Variants in SV2C observed in about 807,000 individuals in gnomAD.
SV2C encodes the protein synaptic vesicle glycoprotein 2C.
A neutral mutation model predicts 79.7 loss-of-function variants in SV2C; 49 were observed. The ratio of observed to expected loss-of-function variants is 0.61; its 90% CI spans 0.49 to 0.78. SV2C has a LOEUF of 0.78. Ranked by LOEUF, SV2C falls within the 30% of genes least tolerant of loss-of-function variation. The pLI is 0.00. For synonymous variants in SV2C, 334 were observed against 333.2 expected, an observed-to-expected ratio of 1.00 and a Z score of -0.03; for missense variants, 833 against 912.9, an observed-to-expected ratio of 0.91 and a Z score of 1.13.
upstream of SV2C, chr5:76,078,866 A>G (rs79505747): frequency 0.021 from 12,106 of 572,408 alleles, 1,094 homozygotes; most frequent in African/African-American, 0.2. Flanking sequence ...ATTTACCTAC[A>G]TGGATTGGTG....
chr5:75,867,293 G>A, the SV2C span, among the ~76,000 whole-genome samples: 1 of 152,162 alleles, frequency 6.6e-6, no homozygotes, highest in Non-Finnish European at 1.5e-5. Context: ...GTGTTCTTCA[G>A]TAGCAGATGC....
At chr5:76,239,019 C>A (rs1745700575) in intron 4 of SV2C, among the ~76,000 whole-genome samples, 1 of 152,176 alleles carries the variant, frequency 6.6e-6, no homozygotes, top group African/African-American at 2.4e-5. Context: ...TGTCTCACTC[C>A]TATCCTCCTA....
At chr5:76,048,164 A>G in the SV2C span, among the ~76,000 whole-genome samples, 1 of 152,178 alleles carries the variant, frequency 6.6e-6, no homozygotes, top group African/African-American at 2.4e-5. Flanking sequence ...AGAGTAAGAT[A>G]CATTATGGGA....
At chr5:76,159,315 C>T (rs1400238500) in intron 2 of SV2C, among the ~76,000 whole-genome samples, 1 of 151,868 alleles carries the variant, frequency 6.6e-6, no homozygotes, top group Non-Finnish European at 1.5e-5. Flanking sequence ...AAAGACATCC[C>T]GATTGGCAAG....
intron 12 of SV2C, among the ~76,000 whole-genome samples, chr5:76,348,943 G>A (rs542607566): frequency 5.9e-5 from 9 of 152,220 alleles, no homozygotes; most frequent in East Asian, 1.9e-4. Context: ...AGTTTGCAGC[G>A]AGCCGAGACC....
chr5:75,914,635 G>C, the SV2C span, among the ~76,000 whole-genome samples: 1 of 152,176 alleles, frequency 6.6e-6, no homozygotes, highest in African/African-American at 2.4e-5. Flanking sequence ...TAATAGGAGA[G>C]AGTACAATTA....
chr5:76,094,845 T>C (rs548993572), intron 1 of SV2C, among the ~76,000 whole-genome samples: 15 of 152,280 alleles, frequency 9.9e-5, no homozygotes, highest in African/African-American at 3.6e-4. Flanking sequence ...ATACCAGATA[T>C]GTATTTAATC....
Position 76,248,523 on chromosome 5 carries a change from G to T in SV2C, c.914-36639G>T, listed in dbSNP as rs541640044. ...TCCAATATAGATCTGAGGTACTGGGGGTTAGGGCTTCAATATATAAATTTG... is the reference window on the plus strand; with the variant it reads ...TCCAATATAGATCTGAGGTACTGGGTGTTAGGGCTTCAATATATAAATTTG... On this transcript the variant is annotated intron_variant, in intron 4 of 12. Transcript: ENST00000502798. 2.0e-4 allele frequency among the ~76,000 whole-genome samples: 30 copies of T among 152,154 alleles called. No homozygotes were observed. The South Asian group carries it at 5.6e-3, about 28-fold the overall frequency.
At chr5:76,236,561 C>CGA (rs1554041938) in intron 4 of SV2C, among the ~76,000 whole-genome samples, 2 of 143,918 alleles carry the variant, frequency 1.4e-5, no homozygotes, top group Non-Finnish European at 3.0e-5. Flanking sequence ...GACCCTGTAT[C>CGA]AAAAAAATAA....
intron 2 of SV2C, among the ~76,000 whole-genome samples, chr5:76,193,036 G>T (rs1433389474): frequency 6.6e-6 from 1 of 152,130 alleles, no homozygotes; most frequent in Non-Finnish European, 1.5e-5. Flanking sequence ...TTACACTGCT[G>T]TTCGGGTGCA....
At chr5:75,937,563 GC>G in the SV2C span, among the ~76,000 whole-genome samples, 1 of 151,902 alleles carries the variant, frequency 6.6e-6, no homozygotes, top group Non-Finnish European at 1.5e-5. Context: ...AAATAACTTA[GC>G]CCAGCATTGT....
chr5:76,127,419 A>G (rs555539939), intron 1 of SV2C, among the ~76,000 whole-genome samples: 4 of 152,358 alleles, frequency 2.6e-5, no homozygotes, highest in East Asian at 3.9e-4. Flanking sequence ...ATCACACACA[A>G]TGATTGTGCA....
chr5:76,042,205 T>C, the SV2C span, among the ~76,000 whole-genome samples: 2 of 152,186 alleles, frequency 1.3e-5, no homozygotes, highest in Non-Finnish European at 2.9e-5. Context: ...TTCTTTATCT[T>C]GGGATTTTAC....
chr5:75,970,499 C>A, the SV2C span, among the ~76,000 whole-genome samples: 33 of 152,074 alleles, frequency 2.2e-4, no homozygotes, highest in African/African-American at 7.2e-4. Flanking sequence ...GATATCACCA[C>A]CGATCCCACA....
chr5:75,968,175 T>A, the SV2C span, among the ~76,000 whole-genome samples: 5 of 152,050 alleles, frequency 3.3e-5, no homozygotes, highest in African/African-American at 1.2e-4. Context: ...CATCTGTACG[T>A]CACCATCATC....
chr5:76,249,796 G>A (rs976449887), intron 4 of SV2C, among the ~76,000 whole-genome samples: 3 of 152,124 alleles, frequency 2.0e-5, no homozygotes, highest in Non-Finnish European at 4.4e-5. Flanking sequence ...GTTTTTGTGC[G>A]GCGTCAGTGG....
At chr5:75,884,893 C>T in the SV2C span, among the ~76,000 whole-genome samples, 13 of 152,010 alleles carry the variant, frequency 8.6e-5, no homozygotes, top group Non-Finnish European at 1.6e-4. Flanking sequence ...TGCAAAAATA[C>T]TGAATCTTCA....
intron 2 of SV2C, among the ~76,000 whole-genome samples, chr5:76,148,506 G>A (rs1261824186): frequency 1.3e-5 from 2 of 152,124 alleles, no homozygotes; most frequent in Non-Finnish European, 2.9e-5. Flanking sequence ...CTGGAGTACA[G>A]TGATGCAGTC....
At chr5:76,208,523 G>A (rs545619808) in intron 3 of SV2C, among the ~76,000 whole-genome samples, 1 of 152,120 alleles carries the variant, frequency 6.6e-6, no homozygotes. Flanking sequence ...GGTTTATTTG[G>A]TACACTAGTT....
Sources: gnomAD v4.1 joint callset for allele counts (sites outside exome capture counted in the v4.1 genomes callset) on GRCh38, gnomAD v4.1.1 for gene constraint, MANE v1.5 for transcripts, NCBI Gene and HGNC (gene_info 2026-07-23, HGNC 2026-07-21) for gene names.